Variants in TSEN2 observed in about 807,000 individuals in gnomAD.
TSEN2 encodes tRNA-splicing endonuclease subunit Sen2.
Under a neutral mutation model 59.2 loss-of-function variants are expected in TSEN2, and 54 were observed. The observed-to-expected ratio is 0.91, with a 90% CI of 0.73 to 1.14. The LOEUF (loss-of-function observed/expected upper bound fraction) is 1.14. TSEN2 is among the 50% of genes most tolerant of loss of function. The pLI, the probability that TSEN2 is intolerant of heterozygous loss-of-function variation, is 0.00. For missense variants in TSEN2, 636 were observed against 576.2 expected (o/e 1.10, Z -1.06); for synonymous variants, 195 against 198.2 (o/e 0.98, Z 0.14).
downstream of TSEN2, among the ~76,000 whole-genome samples, chr3:12,536,582 C>T (rs1276047007): frequency 6.6e-6 from 1 of 152,168 alleles, no homozygotes; most frequent in Admixed American, 6.5e-5. Flanking sequence ...ATAAAGGAAA[C>T]TTAATCTAAG....
intron 8 of TSEN2, among the ~76,000 whole-genome samples, chr3:12,527,143 A>G (rs1260372369): frequency 6.6e-6 from 1 of 152,216 alleles, no homozygotes; most frequent in East Asian, 1.9e-4. Flanking sequence ...GTATGTTTGG[A>G]TATTTACTTA....
At chr3:12,535,189 C>G (rs1016627766), downstream of TSEN2, among the ~76,000 whole-genome samples, 3 of 152,112 alleles carry the variant, frequency 2.0e-5, no homozygotes, top group Admixed American at 2.0e-4. Context: ...TTTCTCTCCT[C>G]CCCACCACCC....
chr3:12,510,067 C>T (rs1168859242), intron 6 of TSEN2, among the ~76,000 whole-genome samples: 1 of 152,162 alleles, frequency 6.6e-6, no homozygotes, highest in Non-Finnish European at 1.5e-5. Flanking sequence ...TGTTGTATGA[C>T]TTTCAATTAA....
chr3:12,516,444 ATATGTG>A (rs1401330229), intron 6 of TSEN2, among the ~76,000 whole-genome samples, 161 bp from the exon 7 acceptor site: 147 of 51,630 alleles, frequency 2.8e-3, no homozygotes, highest in African/African-American at 0.011. Context: ...CAAACAAAAT[ATATGTG>A]TGTGTGTGTG....
At chr3:12,508,791 A>T (rs933136260) in intron 6 of TSEN2, among the ~76,000 whole-genome samples, 59 of 152,206 alleles carry the variant, frequency 3.9e-4, no homozygotes, top group African/African-American at 1.4e-3. Flanking sequence ...TTCTGTCTCC[A>T]TCCGTCTTCT....
intron 6 of TSEN2, among the ~76,000 whole-genome samples, chr3:12,512,797 C>G (rs1255726125): frequency 6.6e-6 from 1 of 152,220 alleles, no homozygotes; most frequent in Non-Finnish European, 1.5e-5. Context: ...TGCGAGTATT[C>G]ATTTCAGGGA....
At chr3:12,485,765 A>G (rs2052553026) in intron 1 of TSEN2, among the ~76,000 whole-genome samples, 2 of 152,036 alleles carry the variant, frequency 1.3e-5, no homozygotes, top group Non-Finnish European at 2.9e-5. Context: ...TTCCAAACCA[A>G]CCTTTGCATC....
intron 4 of TSEN2, among the ~76,000 whole-genome samples, chr3:12,499,190 G>T (rs1192053239): frequency 1.3e-5 from 2 of 152,204 alleles, no homozygotes; most frequent in Admixed American, 1.3e-4. Flanking sequence ...TCTTTCTGAA[G>T]GTAAGTGTCA....
intron 8 of TSEN2, among the ~76,000 whole-genome samples, chr3:12,525,410 AATAATT>A (rs1217673753): frequency 6.6e-6 from 1 of 152,244 alleles, no homozygotes; most frequent in Non-Finnish European, 1.5e-5. Flanking sequence ...AGTATAATCT[AATAATT>A]ATAATAGTTG....
chr3:12,504,684 A>G (rs1342493082), intron 5 of TSEN2, among the ~76,000 whole-genome samples: 1 of 152,278 alleles, frequency 6.6e-6, no homozygotes, highest in Non-Finnish European at 1.5e-5. Context: ...GAGAATCTTC[A>G]TAGTGAAAAA....
At chr3:12,506,869 T>C (rs2054892918) in intron 6 of TSEN2, 1 of 985,276 alleles carries the variant, frequency 1.0e-6, no homozygotes, top group East Asian at 1.1e-4. Flanking sequence ...AACACATCCA[T>C]GTTGGTAATT....
chr3:12,535,307 C>T (rs2057649786), downstream of TSEN2, among the ~76,000 whole-genome samples: 1 of 152,082 alleles, frequency 6.6e-6, no homozygotes, highest in African/African-American at 2.4e-5. Context: ...AACCGAGGCC[C>T]ATTTCTAAAG....
In TSEN2 at chr3:12,506,774, G is replaced by C. The variant is rs553382393; in HGVS notation, c.909+1543G>C. 1.6e-5 allele frequency: 16 copies of C among 985,318 alleles called. No individual in the cohort carries two copies. The African/African-American group carries it at 2.8e-4, about 17-fold the overall frequency. The allele number at this position is 985,318 out of a possible 1,614,324, so 61.0% of individuals were successfully genotyped here. A position where few individuals can be genotyped will look rare whatever the true frequency, so the allele number is the denominator to read the frequency against. On this transcript the variant is annotated intron_variant, in intron 6 of 11. Coordinates refer to ENST00000284995, the MANE Select transcript of TSEN2 (RefSeq NM_025265.4). The stretch of plus-strand genomic sequence containing the variant: ...CTTCTTGGGCTCCCCTCTTCTCCAG[G>C]AGCTCTGTGATGGCTTTCTTTGATA...
chr3:12,497,174 T>C (rs1344361330), intron 4 of TSEN2, among the ~76,000 whole-genome samples: 1 of 152,230 alleles, frequency 6.6e-6, no homozygotes, highest in African/African-American at 2.4e-5. Flanking sequence ...GGGTTTAGAC[T>C]GTCGGTGCTT....
chr3:12,482,406 C>G (rs551907885), upstream of TSEN2, among the ~76,000 whole-genome samples: 1 of 152,320 alleles, frequency 6.6e-6, no homozygotes, highest in South Asian at 2.1e-4. Context: ...CAGGCATGAG[C>G]CACCGTGCCC....
intron 4 of TSEN2, among the ~76,000 whole-genome samples, chr3:12,502,727 A>G (rs1157765033): frequency 7.0e-6 from 1 of 142,480 alleles, no homozygotes; most frequent in African/African-American, 2.7e-5. Context: ...AAATGAAACT[A>G]TATTGTAAAA....
intron 8 of TSEN2, among the ~76,000 whole-genome samples, chr3:12,527,507 G>A (rs952854239): frequency 6.8e-6 from 1 of 146,812 alleles, no homozygotes; most frequent in East Asian, 2.0e-4. Flanking sequence ...AGGCTGGAGT[G>A]CAGTGGCGGG....
chr3:12,500,188 T>C (rs1259919589), intron 4 of TSEN2, among the ~76,000 whole-genome samples: 1 of 152,230 alleles, frequency 6.6e-6, no homozygotes. Context: ...TTCCTGCAAC[T>C]GCTCCAGCAT....
intron 7 of TSEN2, 124 bp from the exon 8 acceptor site, chr3:12,518,935 C>T (rs1006719954): frequency 3.2e-6 from 3 of 942,330 alleles, no homozygotes; most frequent in African/African-American, 3.3e-5. Flanking sequence ...AATTGCTCTG[C>T]TGGGGGAACT....
Sources: allele counts gnomAD v4.1 joint callset (sites outside exome capture counted in the v4.1 genomes callset), GRCh38; gene constraint gnomAD v4.1.1; transcripts MANE v1.5; gene names NCBI Gene and HGNC (gene_info 2026-07-23, HGNC 2026-07-21).